PMEPA1: variants seen among roughly 807,000 people sequenced by gnomAD.
The protein encoded by PMEPA1 is prostate transmembrane protein, androgen induced 1, also known as protein TMEPAI.
Under a neutral mutation model 23.0 loss-of-function variants are expected in PMEPA1, and 11 were observed. The observed-to-expected ratio is 0.48, with a 90% CI of 0.30 to 0.79. The LOEUF (loss-of-function observed/expected upper bound fraction) is 0.79. Ranked by LOEUF, PMEPA1 falls within the 30% of genes least tolerant of loss-of-function variation. PMEPA1 has a pLI of 0.06. For missense variants in PMEPA1, 377 were observed against 390.9 expected (o/e 0.96, Z 0.30); for synonymous variants, 204 against 166.4 (o/e 1.23, Z -1.74).
At chr20:57,680,478 G>C (rs564014372) in intron 1 of PMEPA1, among the ~76,000 whole-genome samples, 1 of 152,232 alleles carries the variant, frequency 6.6e-6, no homozygotes, top group Non-Finnish European at 1.5e-5. Context: ...GCACAGGGAA[G>C]TCCCCCACAG....
chr20:57,677,412 C>T (rs2071652394), intron 1 of PMEPA1, among the ~76,000 whole-genome samples: 1 of 152,276 alleles, frequency 6.6e-6, no homozygotes, highest in South Asian at 2.1e-4. Flanking sequence ...TCAAGTGCAC[C>T]TCACCAGCAA....
chr20:57,709,691 G>C lies in PMEPA1; in HGVS notation c.-109C>G. ...CCGCATGCAGGAGGCGCGCGGCGGG[G>C]GAGGCGCGCCCCGGCTCGCCGGGCT... On this transcript the variant is annotated 5_prime_UTR_variant, in exon 1 of 4. Transcript: ENST00000341744. 1 of 978,000 alleles carries C rather than the reference G, an allele frequency of 1.0e-6. No homozygotes were observed. The highest frequency in any genetic ancestry group is 1.2e-6 in the Non-Finnish European group (1 of 826,680). 60.6% of individuals were successfully genotyped at this position (978,000 alleles called of 1,614,324 possible). A position where few individuals can be genotyped will look rare whatever the true frequency, so the allele number is the denominator to read the frequency against.
chr20:57,659,579 G>A lies in PMEPA1; in HGVS notation c.228C>T (p.His76=). ...KLSARSFISR[H]SQGRRREDAL... is the part of the protein sequence containing the mutation. ...CATCTTCTCTCCTCCGCCCCTGGCT[G>A]TGCCGGCTGATGAAGGACCGTGCAG... is the stretch of plus-strand genomic sequence containing the variant. Residue 76 remains histidine (H), a synonymous_variant, in exon 2 of 4, where the codon CAC becomes CAT. Transcript: ENST00000341744. The A allele has an allele frequency of 2.5e-6, 4 of 1,613,920 alleles. No homozygotes were observed. The highest frequency in any genetic ancestry group is 3.4e-6 in the Non-Finnish European group (4 of 1,179,944).
At chr20:57,667,414 C>T (rs1430497914) in intron 1 of PMEPA1, among the ~76,000 whole-genome samples, 3 of 152,242 alleles carry the variant, frequency 2.0e-5, no homozygotes, top group South Asian at 2.1e-4. Context: ...GGTGCGGCGG[C>T]GACTGAGTTT....
At chr20:57,674,600 A>T (rs2071611715) in intron 1 of PMEPA1, among the ~76,000 whole-genome samples, 1 of 152,248 alleles carries the variant, frequency 6.6e-6, no homozygotes, top group South Asian at 2.1e-4. Flanking sequence ...CCCCTTTGGG[A>T]CAGAATATTA....
At chr20:57,671,136 C>A (rs914916220) in intron 1 of PMEPA1, among the ~76,000 whole-genome samples, 3 of 152,208 alleles carry the variant, frequency 2.0e-5, no homozygotes, top group Admixed American at 6.5e-5. Flanking sequence ...ATGGAAAGAA[C>A]TAATGGGATT....
chr20:57,700,108 C>G (rs746331554), intron 1 of PMEPA1: 13 of 471,334 alleles, frequency 2.8e-5, no homozygotes, highest in Non-Finnish European at 5.3e-5. Flanking sequence ...ACTGGCCCCT[C>G]CTGGAGACCT....
Position 57,704,822 on chromosome 20 carries a change from G to A in PMEPA1, c.109+4652C>T, listed in dbSNP as rs535230254. On this transcript the variant is annotated intron_variant, in intron 1 of 3. Transcript: ENST00000341744. The surrounding 1 kb of genome is among the most constrained non-coding windows in gnomAD (Gnocchi z 4.6). Reference sequence around the variant, plus strand: ...TGACCCCGTGGCTCTGGGGCAATTTGGTGGCGGGTGCATCTTGCAGCATGG... The same window carrying A: ...TGACCCCGTGGCTCTGGGGCAATTTAGTGGCGGGTGCATCTTGCAGCATGG... 1.8e-3 allele frequency among the ~76,000 whole-genome samples: 281 copies of A among 152,338 alleles called. 1 individual carries two copies. The highest frequency in any genetic ancestry group is 6.2e-3 in the African/African-American group (258 of 41,578).
intron 1 of PMEPA1, among the ~76,000 whole-genome samples, chr20:57,671,839 G>A (rs1008916518): frequency 2.0e-5 from 3 of 152,308 alleles, no homozygotes; most frequent in Non-Finnish European, 2.9e-5. Context: ...TCCCCATTGC[G>A]ACACTCAAAA....
At chr20:57,673,943 T>A (rs1057084283) in intron 1 of PMEPA1, among the ~76,000 whole-genome samples, 5 of 152,206 alleles carry the variant, frequency 3.3e-5, no homozygotes, top group African/African-American at 9.7e-5. Context: ...GCAACCAACA[T>A]GGGAGTTCCA....
rs566589214 is a variant in PMEPA1 at position 57,652,850 on chromosome 20, G to C, written c.318+183C>G. 2.0e-3 allele frequency among the ~76,000 whole-genome samples: 305 copies of C among 152,314 alleles called. No individual in the cohort carries two copies. The highest frequency in any genetic ancestry group is 6.8e-3 in the Middle Eastern group (2 of 294). ...CGTGCTCCCGTGTGCAGAGAGCAGAGAGCTGGGCTGCTCCCTCAGGGGCAG... is the reference window on the plus strand; with the variant it reads ...CGTGCTCCCGTGTGCAGAGAGCAGACAGCTGGGCTGCTCCCTCAGGGGCAG... On this transcript the variant is annotated intron_variant, in intron 3 of 3. Coordinates refer to ENST00000341744, the MANE Select transcript of PMEPA1 (RefSeq NM_020182.5). The surrounding 1 kb of genome is among the most constrained non-coding windows in gnomAD (Gnocchi z 6.1).
Position 57,694,808 on chromosome 20 carries a change from C to T in PMEPA1, c.109+14666G>A, listed in dbSNP as rs147649353. Among the ~76,000 whole-genome samples the T allele has an allele frequency of 4.4e-4, 67 of 152,338 alleles. 1 individual carries two copies. Among genetic ancestry groups the T allele is most frequent in the African/African-American group, 1.6e-3 (65 of 41,568 alleles). The stretch of plus-strand genomic sequence containing the variant: ...TAAGGGGAGGGGGGTCCATGCTGCC[C>T]TCACAACAGGAGGAAGTCAGGACTG... On this transcript the variant is annotated intron_variant, in intron 1 of 3. Coordinates refer to ENST00000341744, the MANE Select transcript of PMEPA1 (RefSeq NM_020182.5).
intron 1 of PMEPA1, among the ~76,000 whole-genome samples, chr20:57,665,120 C>T (rs2071474641): frequency 6.6e-6 from 1 of 152,198 alleles, no homozygotes; most frequent in African/African-American, 2.4e-5. Context: ...AGAGGGCACA[C>T]CCAAACTCAC....
chr20:57,697,135 T>G (rs1243380608), intron 1 of PMEPA1, among the ~76,000 whole-genome samples: 1 of 152,212 alleles, frequency 6.6e-6, no homozygotes, highest in East Asian at 1.9e-4. Flanking sequence ...GAGGAGCAGA[T>G]GGGAGTTGGT....
chr20:57,687,461 C>T (rs1473788939), intron 1 of PMEPA1, among the ~76,000 whole-genome samples: 1 of 152,220 alleles, frequency 6.6e-6, no homozygotes, highest in East Asian at 1.9e-4. Context: ...CTACACATAC[C>T]TACAGCCACT....
At chr20:57,658,109 G>A (rs1201407057) in intron 2 of PMEPA1, among the ~76,000 whole-genome samples, 3 of 152,214 alleles carry the variant, frequency 2.0e-5, no homozygotes, top group African/African-American at 4.8e-5. Context: ...ACATGGAGCC[G>A]GGAGTTCACC....
At chr20:57,653,012 G>C in intron 3 of PMEPA1, 21 bp downstream of exon 3, 1 of 1,584,872 alleles carries the variant, frequency 6.3e-7, no homozygotes, top group Non-Finnish European at 8.6e-7. Flanking sequence ...GTGTTGGAGG[G>C]GAGGCCGAGG....
rs2071309397 is a variant in PMEPA1 at position 57,655,122 on chromosome 20, A to G, written c.265-2036T>C. Among the ~76,000 whole-genome samples the G allele has an allele frequency of 2.6e-5, 4 of 152,200 alleles. No individual in the cohort carries two copies. In the South Asian group the frequency reaches 8.3e-4, roughly 32 times the overall value. On this transcript the variant is annotated intron_variant, in intron 2 of 3. Transcript: ENST00000341744. The surrounding 1 kb of genome is among the most constrained non-coding windows in gnomAD (Gnocchi z 4.2). ...TAGCGGGCTGATGACAGCGCCTGCA[A>G]TGCACCATACAGTGTGTTCTGCAAG...
chr20:57,680,471 C>A (rs1029467016), intron 1 of PMEPA1, among the ~76,000 whole-genome samples: 1 of 152,228 alleles, frequency 6.6e-6, no homozygotes, highest in Non-Finnish European at 1.5e-5. Context: ...CTGCCACGCA[C>A]AGGGAAGTCC....
Sources: gnomAD v4.1 joint callset for allele counts (sites outside exome capture counted in the v4.1 genomes callset) on GRCh38, gnomAD v4.1.1 for gene constraint, Gnocchi (gnomAD v3.1) non-coding constraint, MANE v1.5 for transcripts, NCBI Gene and HGNC (gene_info 2026-07-23, HGNC 2026-07-21) for gene names.